The following PUS10 variants were observed in gnomAD, a reference collection of about 807,000 sequenced individuals.
The protein encoded by PUS10 is pseudouridine synthase 10.
A neutral mutation model predicts 75.0 loss-of-function variants in PUS10; 59 were observed. That is an observed-to-expected ratio of 0.79 (90% CI 0.64 to 0.98). The LOEUF is 0.98. PUS10 is among the 50% of genes least tolerant of loss of function. The probability of loss-of-function intolerance (pLI) is 0.00; values close to 1 mark genes in which losing one functional copy is unlikely to be tolerated. For synonymous variants in PUS10, 219 were observed against 211.6 expected, an observed-to-expected ratio of 1.03 and a Z score of -0.30; for missense variants, 650 against 614.4, an observed-to-expected ratio of 1.06 and a Z score of -0.61.
intron 1 of PUS10, among the ~76,000 whole-genome samples, chr2:61,012,377 C>T (rs905345127): frequency 7.2e-5 from 11 of 152,110 alleles, no homozygotes; most frequent in Admixed American, 6.5e-4. Context: ...TCAGCAGCAG[C>T]CTCAGAAGCA....
At chr2:60,994,813 G>A (rs766079822) in intron 4 of PUS10, among the ~76,000 whole-genome samples, 6 of 152,212 alleles carry the variant, frequency 3.9e-5, no homozygotes, top group Non-Finnish European at 8.8e-5. Context: ...CCAAGGCCGG[G>A]TGCAGTGGCT....
chr2:60,982,832 G>T (rs768275294), intron 4 of PUS10, among the ~76,000 whole-genome samples: 1 of 151,214 alleles, frequency 6.6e-6, no homozygotes, highest in Non-Finnish European at 1.5e-5. Flanking sequence ...ATATTAAGTC[G>T]AATTTTTTTT....
intron 4 of PUS10, among the ~76,000 whole-genome samples, chr2:60,977,048 G>A (rs1419819099): frequency 6.6e-6 from 1 of 152,156 alleles, no homozygotes; most frequent in Non-Finnish European, 1.5e-5. Context: ...TGTTAGGCAA[G>A]TCCTAAATGG....
At chr2:60,982,418 A>G (rs906135613) in intron 4 of PUS10, among the ~76,000 whole-genome samples, 1 of 152,070 alleles carries the variant, frequency 6.6e-6, no homozygotes, top group African/African-American at 2.4e-5. Context: ...GTGCACCACC[A>G]CACCCAGCTA....
chr2:61,006,236 G>C (rs1213300537), intron 4 of PUS10, among the ~76,000 whole-genome samples: 1 of 152,102 alleles, frequency 6.6e-6, no homozygotes, highest in African/African-American at 2.4e-5. Flanking sequence ...AAAGATCTCT[G>C]GAAACCTAGT....
intron 11 of PUS10, among the ~76,000 whole-genome samples, chr2:60,959,861 GA>G (rs1675907594): frequency 6.6e-6 from 1 of 152,054 alleles, no homozygotes. Context: ...CCACCCCCAA[GA>G]AATCTATTCA....
At chr2:60,975,716 A>G (rs145436754) in intron 4 of PUS10, among the ~76,000 whole-genome samples, 101 of 148,906 alleles carry the variant, frequency 6.8e-4, no homozygotes, top group African/African-American at 2.3e-3. Flanking sequence ...GAAACCTTGT[A>G]GTTAATTTTG....
intron 15 of PUS10, among the ~76,000 whole-genome samples, chr2:60,949,022 G>C (rs1675170782): frequency 6.6e-6 from 1 of 152,036 alleles, no homozygotes; most frequent in Non-Finnish European, 1.5e-5. Context: ...GTTTCTGTCT[G>C]GTCTCTCCTC....
chr2:61,012,834 CAAAAAAAAAAAAAAAA>C (rs70959885), intron 1 of PUS10, among the ~76,000 whole-genome samples: 3 of 30,164 alleles, frequency 9.9e-5, no homozygotes, highest in African/African-American at 3.6e-4. Flanking sequence ...AACTCCGTCT[CAAAAAAAAAAAAAAAA>C]AAAAAAAAAA....
intron 4 of PUS10, among the ~76,000 whole-genome samples, chr2:61,004,805 T>C (rs1679098903): frequency 6.6e-6 from 1 of 152,154 alleles, no homozygotes; most frequent in African/African-American, 2.4e-5. Context: ...ATATTAGTCA[T>C]TACTACAAAT....
chr2:61,010,906 C>T, intron 2 of PUS10: 13 of 1,547,484 alleles, frequency 8.4e-6, no homozygotes, highest in Non-Finnish European at 1.1e-5. Flanking sequence ...TAGAGACAAT[C>T]ATAGTATGTA....
intron 4 of PUS10, among the ~76,000 whole-genome samples, chr2:60,989,037 A>T (rs1205997138): frequency 1.3e-5 from 2 of 152,180 alleles, no homozygotes; most frequent in African/African-American, 2.4e-5. Context: ...GAGTGCAGGG[A>T]ATAGCAACAA....
At position 60,954,202 on chromosome 2, in the gene PUS10, A is replaced by T. The variant is rs2104250424; in HGVS notation, c.1058-44T>A. 6.3e-6 allele frequency: 10 copies of T among 1,596,238 alleles called. No homozygotes were observed. The Middle Eastern group carries it at 1.3e-3, about 212-fold the overall frequency. On this transcript the variant is annotated intron_variant, in intron 12 of 17. Transcript: ENST00000316752. ...TCATGAAACAGAAACGTGTTGATGGAGTTAACATTTGGGCTAATGCAAGAG... is the reference window on the plus strand; with the variant it reads ...TCATGAAACAGAAACGTGTTGATGGTGTTAACATTTGGGCTAATGCAAGAG...
chr2:60,975,383 G>A (rs1243172898), intron 4 of PUS10, among the ~76,000 whole-genome samples: 1 of 152,118 alleles, frequency 6.6e-6, no homozygotes. Flanking sequence ...TTGACCTCGT[G>A]ATCCGCCCGC....
chr2:60,999,635 A>G (rs1056830274), intron 4 of PUS10, among the ~76,000 whole-genome samples: 3 of 152,102 alleles, frequency 2.0e-5, no homozygotes, highest in African/African-American at 7.2e-5. Flanking sequence ...AATAAACACT[A>G]TAATAAGTAT....
At chr2:61,017,626 C>T (rs1027761295) in intron 1 of PUS10, 69 of 654,428 alleles carry the variant, frequency 1.1e-4, no homozygotes, top group Admixed American at 1.1e-4. Context: ...GTAACTCAAG[C>T]CTTGTCCTGA....
chr2:60,942,786 T>A (rs1218355998), intron 17 of PUS10, among the ~76,000 whole-genome samples: 1 of 151,996 alleles, frequency 6.6e-6, no homozygotes, highest in African/African-American at 2.4e-5. Context: ...ATTATATAGA[T>A]CAACATGATC....
chr2:61,000,489 C>G (rs1165533504), intron 4 of PUS10, among the ~76,000 whole-genome samples: 1 of 152,174 alleles, frequency 6.6e-6, no homozygotes, highest in African/African-American at 2.4e-5. Flanking sequence ...AATCAAGGTG[C>G]CAGCAGGGCT....
intron 4 of PUS10, chr2:60,998,938 T>C (rs1167497285): frequency 6.6e-6 from 1 of 152,216 alleles, no homozygotes; most frequent in Non-Finnish European, 1.5e-5. Flanking sequence ...TAATAAATGA[T>C]AGGAAAAAAG....
Sources: allele counts gnomAD v4.1 joint callset (sites outside exome capture counted in the v4.1 genomes callset), GRCh38; gene constraint gnomAD v4.1.1; transcripts MANE v1.5; gene names NCBI Gene and HGNC (gene_info 2026-07-23, HGNC 2026-07-21).